Variants in SMC5 observed in about 807,000 individuals in gnomAD.
The protein encoded by SMC5 is structural maintenance of chromosomes protein 5.
In SMC5, 88 loss-of-function variants were observed where a neutral mutation model predicts 148.3. The ratio of observed to expected loss-of-function variants is 0.59; its 90% CI spans 0.50 to 0.71. The LOEUF is 0.71. SMC5 is among the 30% of genes least tolerant of loss of function. The pLI is 0.00. For synonymous variants in SMC5, 421 were observed against 432.8 expected (o/e 0.97, Z 0.34); for missense variants, 1,142 against 1,298.9 (o/e 0.88, Z 1.86).
chr9:70,261,967 A>T (rs1407491426), intron 1 of SMC5, among the ~76,000 whole-genome samples: 1 of 152,258 alleles, frequency 6.6e-6, no homozygotes, highest in African/African-American at 2.4e-5. Context: ...CAGTGGAAGC[A>T]GAAAACTTTG....
Position 70,352,576 on chromosome 9 carries a change from T to TC in SMC5, c.*246dup, listed in dbSNP as rs1587727295. 2 of 398,738 alleles carry TC rather than the reference T, an allele frequency of 5.0e-6. No homozygotes were observed. Among genetic ancestry groups the TC allele is most frequent in the East Asian group, 7.8e-5 (2 of 25,586 alleles). 24.7% of individuals were successfully genotyped at this position (398,738 alleles called of 1,614,324 possible). A position where few individuals can be genotyped will look rare whatever the true frequency, so the allele number is the denominator to read the frequency against. Reference sequence around the variant, plus strand: ...TCTTGGCACTCTGACCATGAGTCATTCAGTTCTCATGTTAAAATGTACTTA... The same window carrying TC: ...TCTTGGCACTCTGACCATGAGTCATTCCAGTTCTCATGTTAAAATGTACTTA... On this transcript the variant is annotated 3_prime_UTR_variant, in exon 25 of 25. Coordinates refer to ENST00000361138, the MANE Select transcript of SMC5 (RefSeq NM_015110.4).
intron 17 of SMC5, among the ~76,000 whole-genome samples, chr9:70,342,289 A>G (rs2036549420): frequency 6.7e-6 from 1 of 150,136 alleles, no homozygotes; most frequent in Non-Finnish European, 1.5e-5. Context: ...ACCTAATGCT[A>G]GATGACGAGT....
Position 70,352,376 on chromosome 9 carries a change from T to C in SMC5, c.*45T>C. ...CTTGGGAATTTTTTTTGTTAAATTC[T>C]GTTTATAAGTATGGCTCAACTGAAT... On this transcript the variant is annotated 3_prime_UTR_variant, in exon 25 of 25. Transcript: ENST00000361138. 19 of 1,543,752 alleles carry C rather than the reference T, an allele frequency of 1.2e-5. No individual in the cohort carries two copies. The highest frequency in any genetic ancestry group is 1.7e-5 in the Non-Finnish European group (19 of 1,143,432).
chr9:70,302,123 G>A (rs975125859), intron 10 of SMC5, among the ~76,000 whole-genome samples: 1 of 152,144 alleles, frequency 6.6e-6, no homozygotes, highest in African/African-American at 2.4e-5. Flanking sequence ...CTGTAATCCA[G>A]CATTTTGGGA....
chr9:70,332,248 G>C (rs973407621), intron 17 of SMC5, among the ~76,000 whole-genome samples: 1 of 152,156 alleles, frequency 6.6e-6, no homozygotes, highest in African/African-American at 2.4e-5. Flanking sequence ...CCAGCTGAGT[G>C]TAGTGCCTCA....
chr9:70,297,951 C>T lies in SMC5; in HGVS notation c.1054-15C>T. The T allele has an allele frequency of 1.2e-6, 2 of 1,606,040 alleles. No individual in the cohort carries two copies. The highest frequency in any genetic ancestry group is 1.7e-6 in the Non-Finnish European group (2 of 1,177,642). On this transcript the variant is annotated splice_polypyrimidine_tract_variant and intron_variant, in intron 8 of 24. Transcript: ENST00000361138. ...GAAAACAGTCTCAAGTACTAACCTA[C>T]TTTTGTTTTATTAGATTGAGGAACT...
Position 70,286,224 on chromosome 9 carries a change from C to CA in SMC5, c.1011dup (p.Cys338MetfsTer13). On this transcript the variant is annotated frameshift_variant, in exon 8 of 25. Transcript: ENST00000361138. LOFTEE classifies it high-confidence loss of function. ...GGCAACAGATATTAAGGAGGCATCT[C>CA]AAAAATGCAAACAGAAGCAAGATGT... The CA allele has an allele frequency of 6.4e-7, 1 of 1,553,690 alleles. No homozygotes were observed. The highest frequency in any genetic ancestry group is 8.7e-7 in the Non-Finnish European group (1 of 1,143,316).
At chr9:70,293,682 A>T (rs948440390) in intron 8 of SMC5, among the ~76,000 whole-genome samples, 3 of 151,906 alleles carry the variant, frequency 2.0e-5, no homozygotes, top group Non-Finnish European at 4.4e-5. Flanking sequence ...ATTTTTCTTG[A>T]GATCACACAA....
intron 9 of SMC5, among the ~76,000 whole-genome samples, chr9:70,299,659 C>A (rs895538837): frequency 7.6e-6 from 1 of 131,178 alleles, no homozygotes; most frequent in African/African-American, 2.5e-5. Context: ...TTTCATCATC[C>A]CCCCCCCTTT....
chr9:70,322,065 G>C (rs904309916), intron 15 of SMC5, among the ~76,000 whole-genome samples: 75 of 152,238 alleles, frequency 4.9e-4, no homozygotes, highest in African/African-American at 1.8e-3. Flanking sequence ...AATCATATTT[G>C]AAATGTATTA....
At chr9:70,265,413 C>T (rs1431326962) in intron 2 of SMC5, among the ~76,000 whole-genome samples, 1 of 152,082 alleles carries the variant, frequency 6.6e-6, no homozygotes, top group African/African-American at 2.4e-5. Flanking sequence ...GAGCCAAGAT[C>T]GCACCATTGC....
At chr9:70,344,625 TTTAA>T (rs2036618276) in intron 18 of SMC5, 1 of 152,176 alleles carries the variant, frequency 6.6e-6, no homozygotes, top group Non-Finnish European at 1.5e-5. Flanking sequence ...AATTGGGGTG[TTTAA>T]TTAGGGTTCA....
intron 17 of SMC5, among the ~76,000 whole-genome samples, chr9:70,327,924 C>T (rs750611983): frequency 7.2e-5 from 11 of 152,032 alleles, no homozygotes; most frequent in Non-Finnish European, 1.6e-4. Flanking sequence ...GGAAACTTAA[C>T]AATTATGGTG....
intron 13 of SMC5, among the ~76,000 whole-genome samples, chr9:70,316,539 C>CT (rs1010658807): frequency 6.6e-5 from 10 of 151,954 alleles, no homozygotes; most frequent in Non-Finnish European, 1.3e-4. Flanking sequence ...GTATACTACT[C>CT]TTTTTTCTTA....
At chr9:70,347,844 A>T in intron 21 of SMC5, 75 bp from the exon 22 acceptor site, 1 of 1,420,320 alleles carries the variant, frequency 7.0e-7, no homozygotes, top group Non-Finnish European at 9.6e-7. Context: ...CTGATATAAA[A>T]TTTACATAAA....
chr9:70,311,574 C>A (rs1033242923), intron 11 of SMC5: 3 of 151,878 alleles, frequency 2.0e-5, no homozygotes, highest in Admixed American at 2.0e-4. Context: ...CATAGGGTTG[C>A]TGCAAACCTT....
chr9:70,270,004 G>T (rs938945487), intron 3 of SMC5, among the ~76,000 whole-genome samples: 9 of 152,154 alleles, frequency 5.9e-5, no homozygotes, highest in East Asian at 5.8e-4. Context: ...GATGTGTGGG[G>T]TTTTTTCCCC....
At chr9:70,328,385 G>T (rs1270676925) in intron 17 of SMC5, among the ~76,000 whole-genome samples, 1 of 152,184 alleles carries the variant, frequency 6.6e-6, no homozygotes, top group Non-Finnish European at 1.5e-5. Context: ...CAGGCATTGG[G>T]TAAATACCCC....
intron 22 of SMC5, among the ~76,000 whole-genome samples, chr9:70,349,538 C>T (rs2036753907): frequency 6.6e-6 from 1 of 152,174 alleles, no homozygotes; most frequent in Admixed American, 6.6e-5. Context: ...GCCAGGCTTG[C>T]TTTTTGCTGA....
Sources: gnomAD v4.1 joint callset for allele counts (sites outside exome capture counted in the v4.1 genomes callset) on GRCh38, gnomAD v4.1.1 for gene constraint, MANE v1.5 for transcripts, NCBI Gene and HGNC (gene_info 2026-07-23, HGNC 2026-07-21) for gene names.